Variants in RANBP2 observed in about 807,000 individuals in gnomAD.
RANBP2 encodes the protein E3 SUMO-protein ligase RanBP2.
Under a neutral mutation model 303.6 loss-of-function variants are expected in RANBP2, and 57 were observed. That is an observed-to-expected ratio of 0.19 (90% confidence interval 0.15 to 0.23). RANBP2 has a LOEUF of 0.23. Among genes scored for constraint, RANBP2 ranks in the 10% least tolerant of loss-of-function variants. The probability of loss-of-function intolerance (pLI) is 1.00; values close to 1 mark genes in which losing one functional copy is unlikely to be tolerated. For synonymous variants in RANBP2, 1,167 were observed against 1,301.5 expected (o/e 0.90, Z 2.23); for missense variants, 3,138 against 3,780.8 (o/e 0.83, Z 4.46).
chr2:108,893,598 C>A, the RANBP2 span, among the ~76,000 whole-genome samples: 109,915 of 151,242 alleles, frequency 0.73, 42,698 homozygotes, highest in East Asian at 0.95. Context: ...GCTTAAAAAA[C>A]AAAACAAAAC....
the RANBP2 span, among the ~76,000 whole-genome samples, chr2:108,931,726 T>C: frequency 1.3e-5 from 2 of 151,942 alleles, no homozygotes; most frequent in Admixed American, 6.5e-5. Context: ...TGGGTTTTTT[T>C]TTCTTTTTTT....
the RANBP2 span, among the ~76,000 whole-genome samples, chr2:109,629,355 ATTTTTTT>A: frequency 2.6e-4 from 4 of 15,360 alleles, no homozygotes; most frequent in African/African-American, 7.0e-4. Context: ...ATATATATAT[ATTTTTTT>A]TTTTTTTTTC....
the RANBP2 span, among the ~76,000 whole-genome samples, chr2:109,559,083 A>G: frequency 1.3e-5 from 2 of 152,038 alleles, no homozygotes; most frequent in African/African-American, 4.8e-5. Context: ...ACAGGGTTTC[A>G]CCATGTTGGC....
the RANBP2 span, among the ~76,000 whole-genome samples, chr2:108,889,551 TTTTC>T: frequency 6.7e-6 from 1 of 148,656 alleles, no homozygotes; most frequent in African/African-American, 2.5e-5. Context: ...CCTTTTTTTC[TTTTC>T]TTTTTTTTTT....
the RANBP2 span, among the ~76,000 whole-genome samples, chr2:108,799,891 A>T: frequency 6.6e-6 from 1 of 152,000 alleles, no homozygotes; most frequent in South Asian, 2.1e-4. Flanking sequence ...CCATGTTGCT[A>T]TTGAGCCCAT....
the RANBP2 span, among the ~76,000 whole-genome samples, chr2:109,473,376 C>T: frequency 5.3e-5 from 8 of 152,202 alleles, no homozygotes; most frequent in Admixed American, 2.0e-4. Context: ...CAGAATAGGG[C>T]GTGCTCTGAG....
chr2:108,772,909 A>G lies in RANBP2; in HGVS notation c.8155A>G (p.Thr2719Ala). The change falls in exon 23 of 29, where the codon ACA becomes GCA. Residue 2719 changes from threonine to alanine, a missense_variant. Thr to Ala is a moderately conservative substitution (Grantham distance 58). Coordinates refer to ENST00000283195, the MANE Select transcript of RANBP2 (RefSeq NM_006267.5). ...ECIIVWEKKP[T>A]VEEKAKADTL... ...TATTATTGTTTGGGAAAAGAAACCA[A>G]CAGTTGAAGAGAAGGCAAAAGCAGA... 3 of 1,614,076 alleles carry G rather than the reference A, an allele frequency of 1.9e-6. No individual in the cohort carries two copies. Among genetic ancestry groups the G allele is most frequent in the Non-Finnish European group, 2.5e-6 (3 of 1,179,972 alleles).
the RANBP2 span, among the ~76,000 whole-genome samples, chr2:108,988,504 G>T: frequency 6.6e-6 from 1 of 152,244 alleles, no homozygotes; most frequent in Admixed American, 6.5e-5. Flanking sequence ...GACACGACTG[G>T]AAACCCCACT....
the RANBP2 span, among the ~76,000 whole-genome samples, chr2:109,098,672 C>G: frequency 6.6e-6 from 1 of 152,220 alleles, no homozygotes; most frequent in Non-Finnish European, 1.5e-5. Context: ...CCTATAGTCA[C>G]AATAAAGCCA....
At chr2:109,507,239 C>T in the RANBP2 span, among the ~76,000 whole-genome samples, 2 of 152,160 alleles carry the variant, frequency 1.3e-5, no homozygotes, top group African/African-American at 4.8e-5. Context: ...TTGAGATGCA[C>T]CCCCCTTCCC....
At chr2:108,950,037 T>C in the RANBP2 span, among the ~76,000 whole-genome samples, 54 of 152,208 alleles carry the variant, frequency 3.5e-4, no homozygotes, top group African/African-American at 5.8e-4. Flanking sequence ...ATTCACTGAG[T>C]GCGGCCTGGG....
chr2:108,723,715 A>G (rs1327282145), intron 1 of RANBP2, among the ~76,000 whole-genome samples: 3 of 152,222 alleles, frequency 2.0e-5, no homozygotes, highest in East Asian at 1.9e-4. Flanking sequence ...TATAAGGTAA[A>G]TATTTTTGCA....
At chr2:109,157,844 G>A in the RANBP2 span, among the ~76,000 whole-genome samples, 1 of 152,132 alleles carries the variant, frequency 6.6e-6, no homozygotes, top group Non-Finnish European at 1.5e-5. Context: ...TGCAAAGCAT[G>A]TCCAGGATTA....
chr2:109,705,006 T>C, the RANBP2 span, among the ~76,000 whole-genome samples: 8 of 151,866 alleles, frequency 5.3e-5, no homozygotes, highest in African/African-American at 9.7e-5. Context: ...GCCAATGATA[T>C]TGGCAAATTA....
intron 17 of RANBP2, among the ~76,000 whole-genome samples, chr2:108,757,410 T>C (rs1316078515): frequency 2.0e-5 from 3 of 152,238 alleles, no homozygotes; most frequent in Admixed American, 6.5e-5. Context: ...CCAGCTGTTA[T>C]TCCCTGCATC....
chr2:109,155,749 C>T, the RANBP2 span, among the ~76,000 whole-genome samples: 1 of 152,184 alleles, frequency 6.6e-6, no homozygotes, highest in East Asian at 1.9e-4. Flanking sequence ...AGGGAGTTCC[C>T]ACATCCTGCC....
At chr2:109,130,441 C>T in the RANBP2 span, among the ~76,000 whole-genome samples, 3 of 152,222 alleles carry the variant, frequency 2.0e-5, no homozygotes, top group African/African-American at 4.8e-5. Context: ...CGGGGACCTT[C>T]TTCCTCTGGG....
At chr2:108,980,279 G>C in the RANBP2 span, among the ~76,000 whole-genome samples, 1 of 151,946 alleles carries the variant, frequency 6.6e-6, no homozygotes, top group Non-Finnish European at 1.5e-5. Flanking sequence ...ATCCCAGGGA[G>C]GCCCAGGTGA....
chr2:108,753,371 G>T, intron 13 of RANBP2, 55 bp from the exon 14 acceptor site: 1 of 1,595,712 alleles, frequency 6.3e-7, no homozygotes, highest in Non-Finnish European at 8.5e-7. Context: ...AAAATCATTT[G>T]GGTTTTATAT....
Sources: gnomAD v4.1 joint callset for allele counts (sites outside exome capture counted in the v4.1 genomes callset) on GRCh38, gnomAD v4.1.1 for gene constraint, MANE v1.5 for transcripts, NCBI Gene and HGNC (gene_info 2026-07-23, HGNC 2026-07-21) for gene names.